PSD3: variants seen among roughly 807,000 people sequenced by gnomAD.
The protein encoded by PSD3 is pleckstrin and Sec7 domain containing 3, also known as PH and SEC7 domain-containing protein 3.
PSD3 carries 49 observed loss-of-function variants against 105.5 expected under a neutral mutation model. The ratio of observed to expected loss-of-function variants is 0.46; its 90% CI spans 0.37 to 0.59. PSD3 has a LOEUF of 0.59. PSD3 is among the 20% of genes least tolerant of loss of function. The pLI is 0.00. For missense variants in PSD3, 1,561 were observed against 1,263.8 expected (o/e 1.24, Z -3.57); for synonymous variants, 557 against 457.8 (o/e 1.22, Z -2.77).
At chr8:18,824,515 A>C (rs1018806444) in intron 4 of PSD3, among the ~76,000 whole-genome samples, 1 of 152,230 alleles carries the variant, frequency 6.6e-6, no homozygotes, top group Admixed American at 6.5e-5. Flanking sequence ...TCAGTAACTC[A>C]AAATTAGGTA....
intron 1 of PSD3, among the ~76,000 whole-genome samples, chr8:19,008,666 G>C (rs1020776104): frequency 2.0e-5 from 3 of 151,452 alleles, no homozygotes; most frequent in Non-Finnish European, 4.4e-5. Flanking sequence ...AACAAAAGAA[G>C]CTACAGCTGC....
At chr8:18,645,248 TA>T (rs1807945646) in intron 10 of PSD3, among the ~76,000 whole-genome samples, 1 of 152,256 alleles carries the variant, frequency 6.6e-6, no homozygotes, top group Non-Finnish European at 1.5e-5. Flanking sequence ...TCCTTAATTC[TA>T]ACCACTGAAA....
chr8:18,997,269 T>G (rs999551103), intron 1 of PSD3, among the ~76,000 whole-genome samples: 8 of 151,696 alleles, frequency 5.3e-5, no homozygotes, highest in African/African-American at 1.9e-4. Flanking sequence ...AAAATCAGCT[T>G]CTCCCTATCT....
chr8:18,530,421 T>G lies in PSD3; in HGVS notation c.*5322A>C, dbSNP rs974299285. The G allele has an allele frequency of 3.9e-5, 6 of 152,548 alleles. No homozygotes were observed. Among genetic ancestry groups the G allele is most frequent in the African/African-American group, 1.4e-4 (6 of 41,468 alleles). 9.4% of individuals were successfully genotyped at this position (152,548 alleles called of 1,614,324 possible). ...CCAATCCTGGGATGCCCTGATATAC[T>G]TTAGTGCTTGTGATATTTCTTCCAA... On this transcript the variant is annotated 3_prime_UTR_variant, in exon 16 of 16. Transcript: ENST00000327040.
At chr8:18,639,729 T>C (rs753352862) in intron 10 of PSD3, among the ~76,000 whole-genome samples, 2 of 152,054 alleles carry the variant, frequency 1.3e-5, no homozygotes, top group Non-Finnish European at 2.9e-5. Flanking sequence ...CATGAGACAA[T>C]AAATCTGGGT....
chr8:19,043,536 T>C (rs1315827095), intron 1 of PSD3, among the ~76,000 whole-genome samples: 2 of 152,184 alleles, frequency 1.3e-5, no homozygotes, highest in African/African-American at 2.4e-5. Flanking sequence ...GACCACATAT[T>C]GTATGAAATC....
intron 8 of PSD3, among the ~76,000 whole-genome samples, chr8:18,790,925 C>T (rs73666721): frequency 0.031 from 4,671 of 152,240 alleles, 218 homozygotes; most frequent in African/African-American, 0.1. Context: ...CATTCCTACA[C>T]ACCAAAAGTC....
rs996381555 is a variant in PSD3 at position 19,054,929 on chromosome 8, G to A, written c.324+29277C>T. Among the ~76,000 whole-genome samples, 3 of 152,162 alleles carry A rather than the reference G, an allele frequency of 2.0e-5. 1 individual carries two copies. Among genetic ancestry groups the A allele is most frequent in the Admixed American group, 2.0e-4 (3 of 15,276 alleles). On this transcript the variant is annotated intron_variant, in intron 1 of 1. Coordinates refer to the PSD3 transcript ENST00000521475. The stretch of plus-strand genomic sequence containing the variant: ...ACCAGCAGAAAGAAAATTTGTGATA[G>A]AAACTTCTAGTGCTCACCTGGGCAC...
At chr8:18,814,492 T>A (rs1347668236) in intron 4 of PSD3, among the ~76,000 whole-genome samples, 3 of 152,220 alleles carry the variant, frequency 2.0e-5, no homozygotes, top group African/African-American at 7.2e-5. Flanking sequence ...TTTTGTTTTA[T>A]TTACTTATTT....
chr8:18,589,995 T>C (rs1431054859), intron 12 of PSD3, among the ~76,000 whole-genome samples: 2 of 152,058 alleles, frequency 1.3e-5, no homozygotes, highest in East Asian at 3.9e-4. Flanking sequence ...TTGGAATCTG[T>C]TGAACATTTA....
chr8:18,792,232 C>A (rs1183531845), intron 8 of PSD3, among the ~76,000 whole-genome samples: 1 of 152,030 alleles, frequency 6.6e-6, no homozygotes, highest in Non-Finnish European at 1.5e-5. Context: ...TGTAAAGGAA[C>A]AGAAATCATT....
chr8:18,879,037 A>C (rs866956029), intron 2 of PSD3, among the ~76,000 whole-genome samples: 57 of 118,136 alleles, frequency 4.8e-4, no homozygotes, highest in Middle Eastern at 4.5e-3. Context: ...CAAACAAACA[A>C]ACACACACAC....
intron 9 of PSD3, among the ~76,000 whole-genome samples, chr8:18,693,356 G>A (rs1801077076): frequency 6.6e-6 from 1 of 152,178 alleles, no homozygotes; most frequent in South Asian, 2.1e-4. Context: ...AAAGCGCAAT[G>A]GCTATGAGCC....
chr8:18,938,951 G>A (rs2129469257), intron 1 of PSD3, among the ~76,000 whole-genome samples: 1 of 152,314 alleles, frequency 6.6e-6, no homozygotes, highest in South Asian at 2.1e-4. Flanking sequence ...AGAATGGGGA[G>A]ACTAGAGAAG....
At chr8:18,666,895 G>T (rs1799498897) in intron 9 of PSD3, among the ~76,000 whole-genome samples, 1 of 152,140 alleles carries the variant, frequency 6.6e-6, no homozygotes, top group African/African-American at 2.4e-5. Context: ...CAGAATTGGT[G>T]GGTTCTTGGT....
At chr8:18,615,984 T>TA (rs1805630167) in intron 11 of PSD3, among the ~76,000 whole-genome samples, 1 of 152,182 alleles carries the variant, frequency 6.6e-6, no homozygotes, top group Admixed American at 6.5e-5. Flanking sequence ...AAGTGGCTGA[T>TA]GAGCAGCCTC....
chr8:18,614,249 T>C (rs529111295), intron 11 of PSD3, among the ~76,000 whole-genome samples: 21 of 152,314 alleles, frequency 1.4e-4, no homozygotes, highest in African/African-American at 4.8e-4. Context: ...AAAGTTTTTA[T>C]TAAGCTTCTC....
intron 9 of PSD3, among the ~76,000 whole-genome samples, chr8:18,759,092 A>ACACACACACACACACACTCTCT (rs756248977): frequency 0.022 from 3,191 of 143,780 alleles, 50 homozygotes; most frequent in Middle Eastern, 0.059. Flanking sequence ...ACACACACAC[A>ACACACACACACACACACTCTCT]CTCTCTCTCT....
Position 18,821,684 on chromosome 8 carries a change from A to AACACACACACACACACAC in PSD3, c.1635-16804_1635-16787dup, listed in dbSNP as rs10527060. Among the ~76,000 whole-genome samples the AACACACACACACACACAC allele has an allele frequency of 7.4e-3, 974 of 131,294 alleles. 16 individuals are homozygous for AACACACACACACACACAC. The highest frequency in any genetic ancestry group is 0.024 in the South Asian group (90 of 3,822). 86.1% of individuals were successfully genotyped at this position (131,294 alleles called of 152,430 possible). On this transcript the variant is annotated intron_variant, in intron 4 of 15. Transcript: ENST00000327040. ...TTAATTCCAAAATTTTGACCCCCAC[A>AACACACACACACACACAC]ACACACACACACACACACACACACA...
Sources: allele counts gnomAD v4.1 joint callset (sites outside exome capture counted in the v4.1 genomes callset), GRCh38; gene constraint gnomAD v4.1.1; transcripts MANE v1.5; gene names NCBI Gene and HGNC (gene_info 2026-07-23, HGNC 2026-07-21).